Variants in ORC2 observed in about 807,000 individuals in gnomAD.
ORC2 encodes origin recognition complex protein 2 homolog.
A neutral mutation model predicts 77.7 loss-of-function variants in ORC2; 37 were observed. The ratio of observed to expected loss-of-function variants is 0.48; its 90% CI spans 0.37 to 0.63. The LOEUF (loss-of-function observed/expected upper bound fraction) is 0.63, where lower values mean the gene tolerates loss of function less well. Ranked by LOEUF, ORC2 falls within the 20% of genes least tolerant of loss-of-function variation. The pLI, the probability that ORC2 is intolerant of heterozygous loss-of-function variation, is 0.00. For synonymous variants in ORC2, 201 were observed against 229.5 expected (o/e 0.88, Z 1.12); for missense variants, 557 against 661.9 (o/e 0.84, Z 1.74).
chr2:200,924,905 T>C (rs2040817529), intron 13 of ORC2, among the ~76,000 whole-genome samples: 1 of 152,064 alleles, frequency 6.6e-6, no homozygotes, highest in African/African-American at 2.4e-5. Context: ...ACTACAGGCA[T>C]GTGCCACCAC....
intron 7 of ORC2, among the ~76,000 whole-genome samples, chr2:200,939,385 TAATA>T (rs1306409266): frequency 1.3e-5 from 2 of 152,136 alleles, no homozygotes; most frequent in Non-Finnish European, 2.9e-5. Flanking sequence ...AAGACAAGAC[TAATA>T]AATAATTTTT....
At chr2:200,958,552 C>T in intron 2 of ORC2, among the ~76,000 whole-genome samples, 1 of 152,146 alleles carries the variant, frequency 6.6e-6, no homozygotes, top group East Asian at 1.9e-4. Context: ...ATTTTATTAT[C>T]TGTTCACTAG....
chr2:200,959,781 T>A (rs2041536303), intron 1 of ORC2, among the ~76,000 whole-genome samples: 1 of 151,980 alleles, frequency 6.6e-6, no homozygotes, highest in Non-Finnish European at 1.5e-5. Flanking sequence ...TAATAAATAG[T>A]GGGCTGGGTG....
intron 4 of ORC2, among the ~76,000 whole-genome samples, chr2:200,951,304 T>C (rs1559022562): frequency 1.3e-5 from 2 of 152,226 alleles, no homozygotes; most frequent in African/African-American, 2.4e-5. Context: ...GTTTTGGCCA[T>C]TGTGAATGAA....
intron 13 of ORC2, among the ~76,000 whole-genome samples, chr2:200,924,167 G>GT (rs1186717577): frequency 1.3e-5 from 2 of 152,132 alleles, no homozygotes; most frequent in Admixed American, 6.6e-5. Context: ...GGGCAACACA[G>GT]TGAGACTCCA....
chr2:200,961,416 T>C (rs2041571187), intron 1 of ORC2, among the ~76,000 whole-genome samples: 1 of 152,162 alleles, frequency 6.6e-6, no homozygotes, highest in Non-Finnish European at 1.5e-5. Context: ...CCTCCCCAAG[T>C]GCTGGGACTG....
In ORC2 at chr2:200,963,642, C is replaced by G. The variant is rs3087357; in HGVS notation, c.-212G>C. 0.19 allele frequency: 77,555 copies of G among 398,346 alleles called. 8,968 individuals are homozygous for G. The highest frequency in any genetic ancestry group is 0.37 in the African/African-American group (18,212 of 48,682). The allele number at this position is 398,346 out of a possible 1,614,324, so 24.7% of individuals were successfully genotyped here. On this transcript the variant is annotated 5_prime_UTR_variant, in exon 1 of 18. Transcript: ENST00000234296. ...CGACCACCGGGGAGGTAAGGAGCAC[C>G]GGAGGCCAGCTGGGGGATGGGAAGC... is the stretch of plus-strand genomic sequence containing the variant.
Position 200,958,952 on chromosome 2 carries a change from C to G in ORC2, c.-11+440G>C, listed in dbSNP as rs531048353. ...TGTTCTTGGTGATTTCTTTTCTCTTCTCTCTTTCTTACAATCTTGTTTTCA... is the reference window on the plus strand; with the variant it reads ...TGTTCTTGGTGATTTCTTTTCTCTTGTCTCTTTCTTACAATCTTGTTTTCA... On this transcript the variant is annotated intron_variant, in intron 2 of 17. Transcript: ENST00000234296. 1.2e-3 allele frequency among the ~76,000 whole-genome samples: 186 copies of G among 152,310 alleles called. 1 individual carries two copies. The highest frequency in any genetic ancestry group is 4.3e-3 in the African/African-American group (178 of 41,564).
Position 200,948,103 on chromosome 2 carries a change from C to T in ORC2, c.328+1451G>A, listed in dbSNP as rs556852425. Among the ~76,000 whole-genome samples the T allele has an allele frequency of 1.0e-4, 15 of 150,150 alleles. No homozygotes were observed. The East Asian group carries it at 2.5e-3, about 25-fold the overall frequency. ...TTTTTTTTTGTATTTTTAGTAGAGA[C>T]GGGGTTTCACTGTGTTAGCCAGGAT... On this transcript the variant is annotated intron_variant, in intron 5 of 17. Coordinates refer to ENST00000234296, the MANE Select transcript of ORC2 (RefSeq NM_006190.5).
At chr2:200,929,124 T>C (rs2040894545) in intron 11 of ORC2, among the ~76,000 whole-genome samples, 1 of 152,106 alleles carries the variant, frequency 6.6e-6, no homozygotes, top group Non-Finnish European at 1.5e-5. Flanking sequence ...GCTAACTTTG[T>C]ATTTTTAGTA....
intron 17 of ORC2, 122 bp from the exon 18 acceptor site, chr2:200,911,509 T>A (rs2040551615): frequency 1.8e-6 from 1 of 569,790 alleles, no homozygotes; most frequent in African/African-American, 1.9e-5. Flanking sequence ...TATATAAGTA[T>A]AAAAAGGCAA....
rs561299058 is a variant in ORC2, at chr2:200,951,671, A to G, written c.239-2028T>C. ...ATCTGTTTATTTTCCTTGGTAATAA[A>G]GAATAAAAATAGATGGCAAATAAGC... On this transcript the variant is annotated intron_variant, in intron 4 of 17. Coordinates refer to ENST00000234296, the MANE Select transcript of ORC2 (RefSeq NM_006190.5). Among the ~76,000 whole-genome samples, 363 of 152,350 alleles carry G rather than the reference A, an allele frequency of 2.4e-3. 1 individual carries two copies. The highest frequency in any genetic ancestry group is 8.0e-3 in the African/African-American group (334 of 41,574).
chr2:200,915,037 CAG>C (rs1198865804), intron 15 of ORC2, among the ~76,000 whole-genome samples: 3 of 81,236 alleles, frequency 3.7e-5, no homozygotes, highest in Non-Finnish European at 4.5e-5. Context: ...TTTTTTGAGA[CAG>C]AGTTTCGCTC....
chr2:200,931,559 T>C (rs911514842), intron 10 of ORC2, 111 bp from the exon 11 acceptor site: 8 of 536,600 alleles, frequency 1.5e-5, no homozygotes, highest in Non-Finnish European at 2.3e-5. Flanking sequence ...CCAATTGGAA[T>C]ATTACTTTAA....
At chr2:200,918,174 A>T (rs1476916547) in intron 15 of ORC2, among the ~76,000 whole-genome samples, 1 of 152,182 alleles carries the variant, frequency 6.6e-6, no homozygotes, top group Non-Finnish European at 1.5e-5. Flanking sequence ...ATATCGTCAC[A>T]CTACTATCAT....
At chr2:200,933,764 T>C in intron 10 of ORC2, 112 bp downstream of exon 10, 2 of 571,582 alleles carry the variant, frequency 3.5e-6, no homozygotes. Context: ...TGTGTTTCAT[T>C]TGATCAGGAC....
At chr2:200,913,585 CA>C (rs2040588552) in intron 16 of ORC2, 172 bp from the exon 17 acceptor site, 9 of 1,295,486 alleles carry the variant, frequency 6.9e-6, no homozygotes, top group Non-Finnish European at 8.8e-6. Flanking sequence ...GAGAGCAGAA[CA>C]ATTATTAAAA....
At position 200,914,002 on chromosome 2, in the gene ORC2, A is replaced by G; in HGVS notation, c.1467-10T>C. 6.5e-7 allele frequency: 1 copy of G among 1,541,134 alleles called. No individual in the cohort carries two copies. On this transcript the variant is annotated splice_polypyrimidine_tract_variant and intron_variant, in intron 15 of 17. Transcript: ENST00000234296. ...TAGCCTGAAAATTCCCCTAAAAAAA[A>G]AAAAAAACAGGAATTTAAATCCAAA... is the stretch of plus-strand genomic sequence containing the variant.
chr2:200,928,668 G>A (rs915903100), intron 11 of ORC2, among the ~76,000 whole-genome samples: 2 of 151,806 alleles, frequency 1.3e-5, no homozygotes, highest in Non-Finnish European at 2.9e-5. Context: ...AAAAAAATTA[G>A]CTGGGCGTGG....
Sources: gnomAD v4.1 joint callset for allele counts (sites outside exome capture counted in the v4.1 genomes callset) on GRCh38, gnomAD v4.1.1 for gene constraint, MANE v1.5 for transcripts, NCBI Gene and HGNC (gene_info 2026-07-23, HGNC 2026-07-21) for gene names.